LRP3: variants seen among roughly 807,000 people sequenced by gnomAD.
LRP3 encodes the protein LDL receptor related protein 3.
In LRP3, 49 loss-of-function variants were observed where a neutral mutation model predicts 58.5. The observed-to-expected ratio is 0.84, with a 90% CI of 0.67 to 1.06. The LOEUF is 1.06. Among genes scored for constraint, LRP3 ranks in the 50% least tolerant of loss-of-function variants. The probability of loss-of-function intolerance (pLI) is 0.00; values close to 1 mark genes in which losing one functional copy is unlikely to be tolerated. For missense variants in LRP3, 1,019 were observed against 1,134.2 expected (o/e 0.90, Z 1.46); for synonymous variants, 485 against 492.2 (o/e 0.99, Z 0.20).
rs1303972281 is a variant in LRP3, at chr19:33,205,695, C to A, written c.925C>A (p.Gln309Lys). 4 of 1,606,280 alleles carry A rather than the reference C, an allele frequency of 2.5e-6. No individual in the cohort carries two copies. In the East Asian group the frequency reaches 6.7e-5, roughly 27 times the overall value. Residue 309 changes from glutamine (Q) to lysine (K), a missense_variant, in exon 5 of 7, where the codon CAG (glutamine) becomes AAG (lysine). Physicochemically the swap from Gln to Lys is moderately conservative, Grantham distance 53. This residue lies in a region of LRP3 where 592 missense variants were observed against 725.5 expected (regional missense o/e 0.82). Coordinates refer to ENST00000253193, the MANE Select transcript of LRP3 (RefSeq NM_002333.4). ...ELRLGYDDYVQVYEGLGERGD... is the reference protein window; with the variant it reads ...ELRLGYDDYVKVYEGLGERGD... ...GCGGCTGGGCTATGACGACTACGTG[C>A]AGGTATACGAGGGCCTGGGCGAGCG...
Position 33,206,366 on chromosome 19 carries a change from G to A in LRP3, c.1592+4G>A. ...CACTGCGCACGCAGGAATACAGGTG[G>A]GCGCTGTGCCCGCAGCCAGGGGACC... is the stretch of plus-strand genomic sequence containing the variant. On this transcript the variant is annotated splice_donor_region_variant and intron_variant, in intron 5 of 6. Coordinates refer to ENST00000253193, the MANE Select transcript of LRP3 (RefSeq NM_002333.4). 1 of 1,604,650 alleles carries A rather than the reference G, an allele frequency of 6.2e-7. No individual in the cohort carries two copies. Among genetic ancestry groups the A allele is most frequent in the East Asian group, 2.2e-5 (1 of 44,818 alleles).
At chr19:33,206,866 G>A in intron 6 of LRP3, 122 bp from the exon 7 acceptor site, 1 of 1,227,356 alleles carries the variant, frequency 8.1e-7, no homozygotes, top group Non-Finnish European at 1.1e-6. Flanking sequence ...CCAGGTGGGG[G>A]GGGTGGACAA....
intron 2 of LRP3, among the ~76,000 whole-genome samples, chr19:33,197,713 C>T (rs760486320): frequency 1.3e-5 from 2 of 152,168 alleles, no homozygotes; most frequent in East Asian, 1.9e-4. Flanking sequence ...CTGCTCTGCT[C>T]GGTGGGGCAG....
At position 33,202,871 on chromosome 19, in the gene LRP3, C is replaced by T. The variant is rs749881594; in HGVS notation, c.145C>T (p.Gln49Ter). 7.4e-6 allele frequency: 12 copies of T among 1,610,782 alleles called. No homozygotes were observed. The highest frequency in any genetic ancestry group is 9.3e-6 in the Non-Finnish European group (11 of 1,178,620). Reference sequence around the variant, plus strand: ...AGCGGCCTGCAGTGGGAAGCTGGAGCAGCACACGGAGCGGCGTGGGGTCAT... The same window carrying T: ...AGCGGCCTGCAGTGGGAAGCTGGAGTAGCACACGGAGCGGCGTGGGGTCAT... ...ALAACSGKLE[Q>*]HTERRGVIYS... is the part of the protein sequence containing the mutation. Residue 49 changes from glutamine (Q) to a stop codon, truncating the protein, a stop_gained, in exon 3 of 7, where the codon CAG (glutamine) becomes TAG (stop). Coordinates refer to ENST00000253193, the MANE Select transcript of LRP3 (RefSeq NM_002333.4). LOFTEE classifies it high-confidence loss of function.
In LRP3 at chr19:33,207,128, C is replaced by T. The variant is rs1166204544; in HGVS notation, c.1866C>T (p.Ile622=). The T allele has an allele frequency of 3.0e-5, 46 of 1,532,180 alleles. No individual in the cohort carries two copies. Among genetic ancestry groups the T allele is most frequent in the Non-Finnish European group, 4.0e-5 (46 of 1,143,052 alleles). The allele number at this position is 1,532,180 out of a possible 1,614,324, so 94.9% of individuals were successfully genotyped here. ...GGCCGCGGGCGCCCCGAGGCCAGAT[C>T]CCACTGCTGACCGCAGCACGCCCCT... ...FHRPRAPRGQ[I]PLLTAARPSQ... is the part of the protein sequence containing the mutation. Residue 622 remains isoleucine (I), a synonymous_variant, in exon 7 of 7, where the codon ATC becomes ATT. Coordinates refer to ENST00000253193, the MANE Select transcript of LRP3 (RefSeq NM_002333.4).
intron 2 of LRP3, 75 bp downstream of exon 2, chr19:33,196,852 C>T: frequency 7.2e-7 from 1 of 1,381,474 alleles, no homozygotes. Flanking sequence ...GACAGGCCTT[C>T]AGGGTCCTGG....
rs1012370909 is a variant in LRP3 at position 33,201,500 on chromosome 19, G to T, written c.122-1348G>T. On this transcript the variant is annotated intron_variant, in intron 2 of 6. Transcript: ENST00000253193. The stretch of plus-strand genomic sequence containing the variant: ...AGTGAATTGTGGTTTTGTCCTAAGA[G>T]CATGGGAGGCAGCCAGAGGGCTCTC... 7.9e-5 allele frequency among the ~76,000 whole-genome samples: 12 copies of T among 152,202 alleles called. No homozygotes were observed. In the East Asian group the frequency reaches 1.7e-3, roughly 22 times the overall value.
At chr19:33,204,887 G>C (rs1233262772) in intron 4 of LRP3, 35 bp downstream of exon 4, 2 of 1,594,750 alleles carry the variant, frequency 1.3e-6, no homozygotes, top group South Asian at 1.1e-5. Flanking sequence ...GGACACCACG[G>C]AGCACACCGT....
intron 2 of LRP3, among the ~76,000 whole-genome samples, chr19:33,200,354 C>T (rs1486813535): frequency 6.6e-6 from 1 of 152,054 alleles, no homozygotes; most frequent in African/African-American, 2.4e-5. Context: ...GCCTCGGCCT[C>T]CTGAGTAGCT....
chr19:33,198,030 T>A (rs948819785), intron 2 of LRP3, among the ~76,000 whole-genome samples: 36 of 152,000 alleles, frequency 2.4e-4, no homozygotes, highest in African/African-American at 8.7e-4. Flanking sequence ...CAGTCTCCCA[T>A]CCCAATTTCC....
chr19:33,196,162 C>T (rs952786600), intron 1 of LRP3, among the ~76,000 whole-genome samples: 2 of 152,164 alleles, frequency 1.3e-5, no homozygotes, highest in African/African-American at 4.8e-5. Flanking sequence ...TCACTAGCTG[C>T]GTGCCCTGTA....
intron 2 of LRP3, among the ~76,000 whole-genome samples, chr19:33,197,292 A>C (rs1426345411): frequency 2.1e-4 from 32 of 152,056 alleles, no homozygotes; most frequent in African/African-American, 2.4e-5. Flanking sequence ...GCAGGGGTGG[A>C]AGAAAGGTGT....
In LRP3 at chr19:33,197,549, C is replaced by T. The variant is rs1433684032; in HGVS notation, c.121+772C>T. Among the ~76,000 whole-genome samples, 4 of 152,190 alleles carry T rather than the reference C, an allele frequency of 2.6e-5. No individual in the cohort carries two copies. In the East Asian group the frequency reaches 7.7e-4, roughly 29 times the overall value. On this transcript the variant is annotated intron_variant, in intron 2 of 6. Coordinates refer to ENST00000253193, the MANE Select transcript of LRP3 (RefSeq NM_002333.4). ...GACTGAGGCAGGATGATTGCTTGAG[C>T]CCAGGAGTTTGAGATTGTAGTGGGC...
chr19:33,207,425 C>G lies in LRP3; in HGVS notation c.2163C>G (p.Cys721Trp). The G allele has an allele frequency of 6.3e-7, 1 of 1,593,994 alleles. No individual in the cohort carries two copies. Reference sequence around the variant, plus strand: ...CTGCAGATGCACCTCGGGAGCCCTGCTCAGCCCAGGACCCGCACCCCCAGG... The same window carrying G: ...CTGCAGATGCACCTCGGGAGCCCTGGTCAGCCCAGGACCCGCACCCCCAGG... The part of the protein sequence containing the change: ...PAPADAPREP[C>W]SAQDPHPQVS... Residue 721 changes from cysteine (C) to tryptophan (W), a missense_variant, in exon 7 of 7, where the codon TGC (cysteine) becomes TGG (tryptophan). Physicochemically the swap from Cys to Trp is radical, Grantham distance 215. Transcript: ENST00000253193.
chr19:33,195,918 C>T (rs1226326864), intron 1 of LRP3, among the ~76,000 whole-genome samples: 4 of 152,110 alleles, frequency 2.6e-5, no homozygotes, highest in Non-Finnish European at 5.9e-5. Flanking sequence ...CCTGGGTGTC[C>T]TGGGTGGGGG....
intron 3 of LRP3, 60 bp from the exon 4 acceptor site, chr19:33,204,578 C>A: frequency 7.8e-7 from 1 of 1,279,818 alleles, no homozygotes; most frequent in Non-Finnish European, 1.1e-6. Flanking sequence ...CCCTGCTGGT[C>A]CTCGGCCATG....
At chr19:33,196,546 G>A (rs1375593984) in intron 1 of LRP3, among the ~76,000 whole-genome samples, 184 bp from the exon 2 acceptor site, 1 of 152,188 alleles carries the variant, frequency 6.6e-6, no homozygotes, top group Non-Finnish European at 1.5e-5. Context: ...GAGGCAGGGA[G>A]GTGGGGGTGA....
chr19:33,204,369 G>T, intron 3 of LRP3: 1 of 527,888 alleles, frequency 1.9e-6, no homozygotes. Flanking sequence ...ATGGAGGGAA[G>T]GGGAGCCGCA....
At chr19:33,202,497 C>G (rs1974351110) in intron 2 of LRP3, among the ~76,000 whole-genome samples, 2 of 152,156 alleles carry the variant, frequency 1.3e-5, no homozygotes, top group African/African-American at 4.8e-5. Flanking sequence ...GTGGGATTCT[C>G]CACTGACCCG....
Sources: allele counts gnomAD v4.1 joint callset (sites outside exome capture counted in the v4.1 genomes callset), GRCh38; gene constraint gnomAD v4.1.1; regional missense constraint gnomAD v4.1.1; transcripts MANE v1.5; gene names NCBI Gene and HGNC (gene_info 2026-07-23, HGNC 2026-07-21).